The following BTBD10 variants were observed in gnomAD, a reference collection of about 807,000 sequenced individuals.
The protein encoded by BTBD10 is BTB/POZ domain-containing protein 10.
BTBD10 carries 21 observed loss-of-function variants against 53.2 expected under a neutral mutation model. That is an observed-to-expected ratio of 0.39 (90% confidence interval 0.28 to 0.57). The LOEUF is 0.57. BTBD10 is among the 20% of genes least tolerant of loss of function. The pLI is 0.53. For missense variants in BTBD10, 360 were observed against 594.7 expected (o/e 0.61, Z 4.10); for synonymous variants, 149 against 192.7 (o/e 0.77, Z 1.88).
intron 6 of BTBD10, among the ~76,000 whole-genome samples, chr11:13,412,491 G>A (rs566599243): frequency 3.3e-4 from 50 of 152,176 alleles, no homozygotes; most frequent in African/African-American, 1.1e-3. Context: ...ACCCAGCAAC[G>A]TTGTTCAAAT....
At position 13,399,493 on chromosome 11, in the gene BTBD10, C is replaced by T. The variant is rs560151001; in HGVS notation, c.1117+3675G>A. 7.2e-5 allele frequency among the ~76,000 whole-genome samples: 11 copies of T among 152,286 alleles called. No individual in the cohort carries two copies. In the East Asian group the frequency reaches 2.1e-3, roughly 29 times the overall value. On this transcript the variant is annotated intron_variant, in intron 8 of 8. Transcript: ENST00000278174. ...TTAACTTCTTTGCCATTGGATTGAA[C>T]TTCCTCCTTTAGCTCGGAGTAGTTT...
chr11:13,399,362 G>T (rs903932795), intron 8 of BTBD10, among the ~76,000 whole-genome samples: 2 of 151,992 alleles, frequency 1.3e-5, no homozygotes, highest in Non-Finnish European at 2.9e-5. Flanking sequence ...TTGTGCATTC[G>T]TCACGTAGTT....
rs182380118 is a variant in BTBD10 at position 13,388,698 on chromosome 11, A to G, written c.*133T>C. 2 of 994,974 alleles carry G rather than the reference A, an allele frequency of 2.0e-6. No homozygotes were observed. Among genetic ancestry groups the G allele is most frequent in the East Asian group, 4.9e-5 (2 of 40,938 alleles). 61.6% of individuals were successfully genotyped at this position (994,974 alleles called of 1,614,324 possible). ...TTCAGCTACCTTTGGTCTTTAAAAA[A>G]GCCTACACTGCAATATCCTAAACAT... On this transcript the variant is annotated 3_prime_UTR_variant, in exon 9 of 9. Transcript: ENST00000278174.
At chr11:13,425,868 A>G (rs1950328407) in intron 2 of BTBD10, among the ~76,000 whole-genome samples, 1 of 152,218 alleles carries the variant, frequency 6.6e-6, no homozygotes. Context: ...TACATGTTAC[A>G]TGTCAATTAA....
intron 5 of BTBD10, among the ~76,000 whole-genome samples, chr11:13,415,129 T>TC (rs1424480692): frequency 2.9e-4 from 44 of 149,230 alleles, no homozygotes; most frequent in African/African-American, 1.0e-3. Flanking sequence ...TTTTTTTTTT[T>TC]CTGACACAGG....
chr11:13,452,567 C>G (rs1190162394), intron 1 of BTBD10, among the ~76,000 whole-genome samples: 1 of 152,110 alleles, frequency 6.6e-6, no homozygotes, highest in Non-Finnish European at 1.5e-5. Flanking sequence ...ATCACACTGT[C>G]TCATTACCAT....
intron 8 of BTBD10, among the ~76,000 whole-genome samples, chr11:13,392,099 T>C (rs1256788443): frequency 6.6e-6 from 1 of 152,202 alleles, no homozygotes; most frequent in Non-Finnish European, 1.5e-5. Context: ...CCTTAAGGTG[T>C]TTATGGTCTA....
intron 8 of BTBD10, among the ~76,000 whole-genome samples, chr11:13,402,842 A>G (rs557512123): frequency 1.4e-4 from 21 of 152,314 alleles, no homozygotes; most frequent in African/African-American, 3.6e-4. Flanking sequence ...AGCCCTGCCA[A>G]TCCTATGGGA....
chr11:13,417,140 C>A lies in BTBD10; in HGVS notation c.687+18G>T. ...AAGGCGTCTTATGATTAAGTCAATA[C>A]TCATAAGAAACACTCACCAGAATCG... On this transcript the variant is annotated intron_variant, in intron 5 of 8. Coordinates refer to ENST00000278174, the MANE Select transcript of BTBD10 (RefSeq NM_032320.7). The A allele has an allele frequency of 6.3e-7, 1 of 1,577,598 alleles. No homozygotes were observed. The highest frequency in any genetic ancestry group is 8.7e-7 in the Non-Finnish European group (1 of 1,151,644).
At chr11:13,457,409 C>T (rs1950994899) in intron 1 of BTBD10, among the ~76,000 whole-genome samples, 1 of 152,152 alleles carries the variant, frequency 6.6e-6, no homozygotes, top group Non-Finnish European at 1.5e-5. Context: ...GAATAAACTA[C>T]ATGCATCCAC....
chr11:13,394,642 C>T (rs1199621920), intron 8 of BTBD10, among the ~76,000 whole-genome samples: 1 of 151,990 alleles, frequency 6.6e-6, no homozygotes, highest in East Asian at 1.9e-4. Flanking sequence ...GTGTGCTGCA[C>T]CCATTAACTC....
At chr11:13,413,746 G>A (rs1950020981) in intron 5 of BTBD10, 96 bp from the exon 6 acceptor site, 3 of 1,189,466 alleles carry the variant, frequency 2.5e-6, no homozygotes, top group Middle Eastern at 4.1e-4. Context: ...TTCAGAAACA[G>A]TAGAGAACTC....
intron 8 of BTBD10, among the ~76,000 whole-genome samples, chr11:13,395,803 C>T (rs1312454775): frequency 6.6e-6 from 1 of 152,144 alleles, no homozygotes; most frequent in Non-Finnish European, 1.5e-5. Flanking sequence ...GGAATCCTTT[C>T]GCCATTGCTT....
At position 13,421,697 on chromosome 11, in the gene BTBD10, A is replaced by C; in HGVS notation, c.243T>G (p.Ser81=). ...SRDSSHERTE[S]QLTPCIRNVT... ...CATTTCTAATACAAGGAGTGAGCTG[A>C]GACTCCGTTCTTTCATGAGATGAAT... The change falls in exon 3 of 9, where the codon TCT becomes TCG. Residue 81 remains serine, a synonymous_variant. Coordinates refer to ENST00000278174, the MANE Select transcript of BTBD10 (RefSeq NM_032320.7). 6.2e-7 allele frequency: 1 copy of C among 1,614,100 alleles called. No individual in the cohort carries two copies. Among genetic ancestry groups the C allele is most frequent in the Non-Finnish European group, 8.5e-7 (1 of 1,180,000 alleles).
At position 13,388,676 on chromosome 11, in the gene BTBD10, A is replaced by G. The variant is rs1288084356; in HGVS notation, c.*155T>C. The stretch of plus-strand genomic sequence containing the variant: ...GTACTCATTTAAAAAAAAACCATTC[A>G]GCTACCTTTGGTCTTTAAAAAAGCC... On this transcript the variant is annotated 3_prime_UTR_variant, in exon 9 of 9. Transcript: ENST00000278174. The G allele has an allele frequency of 1.3e-6, 1 of 750,648 alleles. No homozygotes were observed. The highest frequency in any genetic ancestry group is 2.1e-6 in the Non-Finnish European group (1 of 480,746). 46.5% of individuals were successfully genotyped at this position (750,648 alleles called of 1,614,324 possible).
At chr11:13,437,276 T>C (rs1179851261) in intron 2 of BTBD10, among the ~76,000 whole-genome samples, 1 of 152,236 alleles carries the variant, frequency 6.6e-6, no homozygotes, top group East Asian at 1.9e-4. Flanking sequence ...ATGATACTTT[T>C]GTCTTATATC....
chr11:13,409,301 T>C (rs778261066), intron 6 of BTBD10, among the ~76,000 whole-genome samples: 10 of 152,198 alleles, frequency 6.6e-5, no homozygotes, highest in Non-Finnish European at 1.3e-4. Flanking sequence ...CACTTTTTTC[T>C]CCTTGGCACT....
chr11:13,440,663 T>C (rs1240843644), intron 2 of BTBD10, among the ~76,000 whole-genome samples: 1 of 152,214 alleles, frequency 6.6e-6, no homozygotes, highest in East Asian at 1.9e-4. Flanking sequence ...TCAGACTTTA[T>C]GCAGTCTCAG....
chr11:13,405,765 A>T lies in BTBD10; in HGVS notation c.900T>A (p.Ser300Arg). Residue 300 changes from serine to arginine, a missense_variant, in exon 7 of 9, where the codon AGT (serine) becomes AGA (arginine). Around this residue, in one of 6 missense-constraint regions of BTBD10, gnomAD observed 91 missense variants for 171.7 expected, o/e 0.53. Transcript: ENST00000278174. Reference protein sequence around the residue: ...EEMILPLMVASAQSGERECHI... With the variant: ...EEMILPLMVARAQSGERECHI... ...GACATTCCCGTTCCCCACTCTGGGCACTAGCTACCATGAGAGGGAGGATCA... is the reference window on the plus strand; with the variant it reads ...GACATTCCCGTTCCCCACTCTGGGCTCTAGCTACCATGAGAGGGAGGATCA... 6.2e-7 allele frequency: 1 copy of T among 1,613,840 alleles called. No individual in the cohort carries two copies. The highest frequency in any genetic ancestry group is 1.1e-5 in the South Asian group (1 of 91,072).
Sources: allele counts gnomAD v4.1 joint callset (sites outside exome capture counted in the v4.1 genomes callset), GRCh38; gene constraint gnomAD v4.1.1; regional missense constraint gnomAD v4.1.1; transcripts MANE v1.5; gene names NCBI Gene and HGNC (gene_info 2026-07-23, HGNC 2026-07-21).